Variants in SCAPER observed in about 807,000 individuals in gnomAD.
The protein encoded by SCAPER is S phase cyclin A-associated protein in the endoplasmic reticulum.
SCAPER carries 98 observed loss-of-function variants against 182.2 expected under a neutral mutation model. That is an observed-to-expected ratio of 0.54 (90% CI 0.46 to 0.64). The LOEUF (loss-of-function observed/expected upper bound fraction) is 0.64, where lower values mean the gene tolerates loss of function less well. SCAPER is among the 30% of genes least tolerant of loss of function. The probability of loss-of-function intolerance (pLI) is 0.00; values close to 1 mark genes in which losing one functional copy is unlikely to be tolerated. For synonymous variants in SCAPER, 605 were observed against 564.6 expected, an observed-to-expected ratio of 1.07 and a Z score of -1.01; for missense variants, 1,432 against 1,690.0, an observed-to-expected ratio of 0.85 and a Z score of 2.68.
intron 23 of SCAPER, among the ~76,000 whole-genome samples, chr15:76,515,778 G>A (rs1158477530): frequency 1.3e-5 from 2 of 152,014 alleles, no homozygotes; most frequent in African/African-American, 2.4e-5. Context: ...TTTATATTGC[G>A]TCTAGCAAAA....
chr15:76,585,861 T>C (rs987364791), intron 22 of SCAPER, among the ~76,000 whole-genome samples: 1 of 152,182 alleles, frequency 6.6e-6, no homozygotes, highest in African/African-American at 2.4e-5. Flanking sequence ...CTGAGAGCTA[T>C]ATTTTCCTCA....
rs11855983 is a variant in SCAPER, at chr15:76,387,916, A to G, written c.3468-6301T>C. On this transcript the variant is annotated intron_variant, in intron 27 of 31. Transcript: ENST00000563290. ...AGTGGGAAAAAAGACTTAGCAAATT[A>G]GGTGCCTACCAGTTCAAATGAGAAA... 4.6e-5 allele frequency among the ~76,000 whole-genome samples: 7 copies of G among 152,350 alleles called. No homozygotes were observed. The East Asian group carries it at 1.3e-3, about 29-fold the overall frequency.
At chr15:76,785,828 C>G (rs933312786) in intron 8 of SCAPER, among the ~76,000 whole-genome samples, 1 of 152,024 alleles carries the variant, frequency 6.6e-6, no homozygotes, top group African/African-American at 2.4e-5. Context: ...CTGAACAACG[C>G]GAACACCTGG....
At chr15:76,638,167 T>C (rs1197103502) in intron 21 of SCAPER, among the ~76,000 whole-genome samples, 1 of 152,168 alleles carries the variant, frequency 6.6e-6, no homozygotes, top group African/African-American at 2.4e-5. Context: ...ATTTATGTTT[T>C]TGTTGCTTGC....
At chr15:76,542,405 C>T (rs990540810) in intron 23 of SCAPER, among the ~76,000 whole-genome samples, 1 of 151,938 alleles carries the variant, frequency 6.6e-6, no homozygotes, top group Non-Finnish European at 1.5e-5. Flanking sequence ...CACCTGTAAT[C>T]CCAGCTACTT....
At chr15:76,834,309 A>G (rs1182490351) in intron 5 of SCAPER, among the ~76,000 whole-genome samples, 1 of 152,240 alleles carries the variant, frequency 6.6e-6, no homozygotes, top group Non-Finnish European at 1.5e-5. Flanking sequence ...ATAAAAACAA[A>G]GAAACAACAT....
chr15:76,545,482 A>G (rs1384253205), intron 23 of SCAPER, among the ~76,000 whole-genome samples: 1 of 152,158 alleles, frequency 6.6e-6, no homozygotes, highest in East Asian at 1.9e-4. Context: ...ACATTTTTAG[A>G]CGAGAAAAAT....
At chr15:76,834,240 G>A (rs1221837867) in intron 5 of SCAPER, among the ~76,000 whole-genome samples, 1 of 152,168 alleles carries the variant, frequency 6.6e-6, no homozygotes, top group African/African-American at 2.4e-5. Flanking sequence ...ACCTGCTCAT[G>A]AGTCATTTTT....
At chr15:76,748,782 T>C (rs1438728185) in intron 15 of SCAPER, among the ~76,000 whole-genome samples, 1 of 151,836 alleles carries the variant, frequency 6.6e-6, no homozygotes. Flanking sequence ...GGGAAATAGA[T>C]AAATTTCTTG....
chr15:76,548,833 A>G (rs919865971), intron 23 of SCAPER, among the ~76,000 whole-genome samples: 3 of 152,250 alleles, frequency 2.0e-5, no homozygotes, highest in South Asian at 4.1e-4. Flanking sequence ...ACCTAAAACC[A>G]TAAAAACCCT....
intron 24 of SCAPER, among the ~76,000 whole-genome samples, chr15:76,496,970 G>A (rs1028328597): frequency 6.6e-6 from 1 of 152,012 alleles, no homozygotes; most frequent in African/African-American, 2.4e-5. Context: ...TTTATTGTAA[G>A]GCTATTGGGA....
intron 29 of SCAPER, among the ~76,000 whole-genome samples, chr15:76,373,824 G>C (rs2042350629): frequency 6.6e-6 from 1 of 152,112 alleles, no homozygotes; most frequent in South Asian, 2.1e-4. Context: ...AATCATCTAG[G>C]AAATACAGAG....
chr15:76,734,091 T>C (rs2061088157), intron 15 of SCAPER, among the ~76,000 whole-genome samples: 1 of 152,140 alleles, frequency 6.6e-6, no homozygotes, highest in East Asian at 1.9e-4. Flanking sequence ...TTCTAATGAG[T>C]TTGAAAGGAC....
At chr15:76,707,813 G>A (rs144776826) in intron 17 of SCAPER, among the ~76,000 whole-genome samples, 20 of 152,162 alleles carry the variant, frequency 1.3e-4, no homozygotes, top group African/African-American at 1.2e-4. Context: ...CTTTCGAAGA[G>A]CACAAAGAAC....
chr15:76,631,862 T>C (rs1163761291), intron 21 of SCAPER, among the ~76,000 whole-genome samples: 1 of 152,208 alleles, frequency 6.6e-6, no homozygotes, highest in Non-Finnish European at 1.5e-5. Context: ...TTCTCCAGGA[T>C]GATATCCTAA....
chr15:76,567,353 T>G (rs897689651), intron 23 of SCAPER: 2 of 454,672 alleles, frequency 4.4e-6, no homozygotes, highest in African/African-American at 4.0e-5. Context: ...CATTGAACAT[T>G]TGTGTATATC....
chr15:76,484,769 A>AACATT (rs2051459867), intron 24 of SCAPER, among the ~76,000 whole-genome samples: 1 of 152,186 alleles, frequency 6.6e-6, no homozygotes, highest in African/African-American at 2.4e-5. Context: ...CATATCAATA[A>AACATT]ATGTGATTCA....
intron 23 of SCAPER, among the ~76,000 whole-genome samples, chr15:76,514,006 T>C (rs1397698362): frequency 6.6e-6 from 1 of 152,204 alleles, no homozygotes; most frequent in Admixed American, 6.5e-5. Flanking sequence ...TGTAGTAGAC[T>C]GTAAAGCCTA....
rs1189800488 is a variant in SCAPER, at chr15:76,404,961, TAA to T, written c.3312-284_3312-283del. 2.0e-5 allele frequency among the ~76,000 whole-genome samples: 3 copies of T among 152,302 alleles called. No homozygotes were observed. The East Asian group carries it at 5.8e-4, about 29-fold the overall frequency. On this transcript the variant is annotated intron_variant, in intron 26 of 31. Transcript: ENST00000563290. ...GATTATCTAGTCATTCTTACTGGTC[TAA>T]AGAGTCTAACAACAAGTGAAATGAT... is the stretch of plus-strand genomic sequence containing the variant.
Sources: allele counts gnomAD v4.1 joint callset (sites outside exome capture counted in the v4.1 genomes callset), GRCh38; gene constraint gnomAD v4.1.1; transcripts MANE v1.5; gene names NCBI Gene and HGNC (gene_info 2026-07-23, HGNC 2026-07-21).